Variants in ATAD2 observed in about 807,000 individuals in gnomAD.
The protein encoded by ATAD2 is ATPase family AAA domain containing 2.
In ATAD2, 62 loss-of-function variants were observed where a neutral mutation model predicts 168.9. The ratio of observed to expected loss-of-function variants is 0.37; its 90% CI spans 0.30 to 0.45. ATAD2 has a LOEUF of 0.45. Ranked by LOEUF, ATAD2 falls within the 20% of genes least tolerant of loss-of-function variation. ATAD2 has a pLI of 1.00. For missense variants in ATAD2, 1,419 were observed against 1,667.8 expected, an observed-to-expected ratio of 0.85 and a Z score of 2.60; for synonymous variants, 613 against 571.6, an observed-to-expected ratio of 1.07 and a Z score of -1.03.
intron 25 of ATAD2, 111 bp downstream of exon 25, chr8:123,328,079 C>T: frequency 1.2e-6 from 1 of 836,358 alleles, no homozygotes; most frequent in Admixed American, 4.1e-5. Context: ...TAACTAACAT[C>T]TGCTCTCTGA....
intron 8 of ATAD2, among the ~76,000 whole-genome samples, chr8:123,366,336 T>C (rs1828977845): frequency 6.6e-6 from 1 of 152,192 alleles, no homozygotes; most frequent in Admixed American, 6.5e-5. Flanking sequence ...GTACAACCAC[T>C]ATACAAAACA....
At chr8:123,343,325 C>G (rs1828122415) in intron 19 of ATAD2, among the ~76,000 whole-genome samples, 1 of 152,068 alleles carries the variant, frequency 6.6e-6, no homozygotes. Context: ...AACACTGTAA[C>G]CTACCCATAC....
At chr8:123,378,701 CAAAAAAAAAAAAAA>C (rs71808201) in intron 2 of ATAD2, among the ~76,000 whole-genome samples, 1 of 73,052 alleles carries the variant, frequency 1.4e-5, no homozygotes, top group South Asian at 6.5e-4. Context: ...GACTGTGTCT[CAAAAAAAAAAAAAA>C]AAAAAAAAAA....
chr8:123,397,244 A>G (rs1260150408), upstream of ATAD2, among the ~76,000 whole-genome samples: 4 of 150,390 alleles, frequency 2.7e-5, no homozygotes, highest in East Asian at 1.9e-4. Context: ...CTGTCTCAAA[A>G]AAAAAAAAAA....
At chr8:123,411,013 C>T (rs536174582) in intron 1 of ATAD2, among the ~76,000 whole-genome samples, 2 of 152,298 alleles carry the variant, frequency 1.3e-5, no homozygotes, top group East Asian at 3.9e-4. Context: ...ACACTCACCG[C>T]ATGGCCCAAG....
At chr8:123,325,111 T>G (rs1238391826) in intron 26 of ATAD2, among the ~76,000 whole-genome samples, 1 of 147,250 alleles carries the variant, frequency 6.8e-6, no homozygotes, top group East Asian at 1.9e-4. Flanking sequence ...TTTTTTTTTT[T>G]TTTTTTTGGA....
Position 123,333,822 on chromosome 8 carries a change from G to A in ATAD2, c.3478+56C>T, listed in dbSNP as rs566694373. 2.7e-3 allele frequency: 4,002 copies of A among 1,493,858 alleles called. 12 individuals are homozygous for A. Among genetic ancestry groups the A allele is most frequent in the Non-Finnish European group, 3.4e-3 (3,756 of 1,111,512 alleles). The allele number at this position is 1,493,858 out of a possible 1,614,324, so 92.5% of individuals were successfully genotyped here. A position where few individuals can be genotyped will look rare whatever the true frequency, so the allele number is the denominator to read the frequency against. The stretch of plus-strand genomic sequence containing the variant: ...AGGAAAATAAGGGAGAAAGTTAATG[G>A]CATTAGAAAAGAATAAAGTTATAAT... On this transcript the variant is annotated intron_variant, in intron 24 of 27. Coordinates refer to ENST00000287394, the MANE Select transcript of ATAD2 (RefSeq NM_014109.4).
At chr8:123,348,151 T>C (rs986429735) in intron 15 of ATAD2, 32 bp downstream of exon 15, 1 of 1,414,648 alleles carries the variant, frequency 7.1e-7, no homozygotes, top group African/African-American at 1.5e-5. Context: ...ATAAATGTAG[T>C]ATTTATTTTA....
intron 1 of ATAD2, among the ~76,000 whole-genome samples, chr8:123,394,006 G>A (rs778322214): frequency 3.2e-4 from 49 of 152,076 alleles, no homozygotes; most frequent in Non-Finnish European, 5.9e-4. Context: ...GGTCAGACTT[G>A]GAATATATTT....
chr8:123,395,877 G>A (rs182397263), intron 1 of ATAD2, among the ~76,000 whole-genome samples: 1,646 of 152,280 alleles, frequency 0.011, 36 homozygotes, highest in African/African-American at 0.038. Context: ...GGGAGTGGGG[G>A]GTCGTGCGGG....
chr8:123,396,633 T>TC (rs536746454), upstream of ATAD2, among the ~76,000 whole-genome samples: 33 of 151,772 alleles, frequency 2.2e-4, no homozygotes, highest in South Asian at 6.9e-3. Context: ...GAGCGGAGAG[T>TC]CCTGGGGAAA....
At chr8:123,347,473 G>T in intron 15 of ATAD2, 67 bp from the exon 16 acceptor site, 1 of 1,393,220 alleles carries the variant, frequency 7.2e-7, no homozygotes, top group Non-Finnish European at 9.7e-7. Context: ...AACTCTATTA[G>T]CATGACCATG....
Position 123,348,218 on chromosome 8 carries a change from T to A in ATAD2, c.1862A>T (p.Asp621Val). 6.2e-7 allele frequency: 1 copy of A among 1,602,960 alleles called. No homozygotes were observed. Among genetic ancestry groups the A allele is most frequent in the Non-Finnish European group, 8.5e-7 (1 of 1,177,066 alleles). Residue 621 changes from aspartate to valine, a missense_variant, in exon 15 of 28, where the codon GAC (aspartate) becomes GTC (valine). This residue lies in a region of ATAD2 where 545 missense variants were observed against 724.9 expected (regional missense o/e 0.75). Coordinates refer to ENST00000287394, the MANE Select transcript of ATAD2 (RefSeq NM_014109.4). Reference protein sequence around the residue: ...HTRDWNPKPLDTFLEELAENC... With the variant: ...HTRDWNPKPLVTFLEELAENC... ...TTCTGCTAGCTCTTCTAAAAATGTGTCCAGTGGTTTGGGATTCCAATCCCT... is the reference window on the plus strand; with the variant it reads ...TTCTGCTAGCTCTTCTAAAAATGTGACCAGTGGTTTGGGATTCCAATCCCT...
intron 8 of ATAD2, among the ~76,000 whole-genome samples, chr8:123,362,511 A>G (rs920825788): frequency 6.6e-6 from 1 of 150,788 alleles, no homozygotes; most frequent in Non-Finnish European, 1.5e-5. Context: ...CCTGGGTTCC[A>G]GTTGAGCAAT....
chr8:123,373,266 C>G (rs2129775670), intron 2 of ATAD2, among the ~76,000 whole-genome samples: 1 of 151,688 alleles, frequency 6.6e-6, no homozygotes, highest in East Asian at 1.9e-4. Context: ...GTCTTGAACT[C>G]CTGGCCTCAA....
intron 14 of ATAD2, 99 bp downstream of exon 14, chr8:123,349,184 GAT>G: frequency 8.3e-7 from 1 of 1,203,030 alleles, no homozygotes; most frequent in Non-Finnish European, 1.1e-6. Context: ...ACAAGACCAT[GAT>G]ACAAAACTCA....
upstream of ATAD2, among the ~76,000 whole-genome samples, chr8:123,397,237 T>C (rs1812890630): frequency 2.2e-5 from 2 of 90,726 alleles, no homozygotes; most frequent in African/African-American, 1.0e-4. Flanking sequence ...CAAGACTCTG[T>C]CTCAAAAAAA....
intron 2 of ATAD2, among the ~76,000 whole-genome samples, chr8:123,380,074 G>A (rs1262781669): frequency 6.6e-6 from 1 of 151,110 alleles, no homozygotes; most frequent in East Asian, 2.0e-4. Context: ...ATTTTTTTGA[G>A]ACAGTCTCGC....
At chr8:123,400,361 A>G (rs986731964), upstream of ATAD2, among the ~76,000 whole-genome samples, 2 of 152,014 alleles carry the variant, frequency 1.3e-5, no homozygotes, top group African/African-American at 4.8e-5. This position sits in a 1 kb window ranked among gnomAD's most constrained non-coding sequence, Gnocchi z 4.5. Flanking sequence ...AGAATTCCCC[A>G]GGGAGCTTAT....
Sources: gnomAD v4.1 joint callset for allele counts (sites outside exome capture counted in the v4.1 genomes callset) on GRCh38, gnomAD v4.1.1 for gene constraint, gnomAD v4.1.1 regional missense constraint, Gnocchi (gnomAD v3.1) non-coding constraint, MANE v1.5 for transcripts, NCBI Gene and HGNC (gene_info 2026-07-23, HGNC 2026-07-21) for gene names.